Variants in RNF149 observed in about 807,000 individuals in gnomAD.
RNF149 encodes the protein ring finger protein 149.
Under a neutral mutation model 39.0 loss-of-function variants are expected in RNF149, and 21 were observed. The observed-to-expected ratio is 0.54, with a 90% CI of 0.38 to 0.77. The LOEUF (loss-of-function observed/expected upper bound fraction) is 0.77. RNF149 is among the 30% of genes least tolerant of loss of function. The pLI, the probability that RNF149 is intolerant of heterozygous loss-of-function variation, is 0.00. For synonymous variants in RNF149, 209 were observed against 213.6 expected, an observed-to-expected ratio of 0.98 and a Z score of 0.19; for missense variants, 493 against 534.9, an observed-to-expected ratio of 0.92 and a Z score of 0.77.
chr2:101,294,105 C>G lies in RNF149; in HGVS notation c.712-23G>C, dbSNP rs1268479300. Reference sequence around the variant, plus strand: ...GCTCTTGGGTAGGAAAATATTAATACAGTTATTGAAAAATTTAAATTAAAT... The same window carrying G: ...GCTCTTGGGTAGGAAAATATTAATAGAGTTATTGAAAAATTTAAATTAAAT... On this transcript the variant is annotated intron_variant, in intron 2 of 6. Coordinates refer to ENST00000295317, the MANE Select transcript of RNF149 (RefSeq NM_173647.4). 11 of 1,294,404 alleles carry G rather than the reference C, an allele frequency of 8.5e-6. No individual in the cohort carries two copies. In the Admixed American group the frequency reaches 1.8e-4, roughly 22 times the overall value. 80.2% of individuals were successfully genotyped at this position (1,294,404 alleles called of 1,614,324 possible).
downstream of RNF149, among the ~76,000 whole-genome samples, chr2:101,275,122 T>G (rs1423011206): frequency 8.1e-6 from 1 of 123,806 alleles, no homozygotes; most frequent in African/African-American, 3.1e-5. Flanking sequence ...TTTTTTTTTT[T>G]TTTTTTTTTT....
chr2:101,298,532 T>C (rs1683328535), intron 1 of RNF149, among the ~76,000 whole-genome samples: 1 of 152,156 alleles, frequency 6.6e-6, no homozygotes, highest in African/African-American at 2.4e-5. Context: ...AAAAAAGGTA[T>C]ATAAATTACA....
chr2:101,308,092 A>T (rs768686558), intron 1 of RNF149, 37 bp downstream of exon 1: 7 of 1,595,636 alleles, frequency 4.4e-6, no homozygotes, highest in Non-Finnish European at 6.0e-6. Context: ...GGCTGCCGCG[A>T]AGTCCCCCTC....
Position 101,291,370 on chromosome 2 carries a change from C to T in RNF149, c.781-2315G>A, listed in dbSNP as rs13389242. Among the ~76,000 whole-genome samples the T allele has an allele frequency of 9.9e-4, 151 of 151,850 alleles. 1 individual carries two copies. The highest frequency in any genetic ancestry group is 3.2e-3 in the African/African-American group (133 of 41,414). On this transcript the variant is annotated intron_variant, in intron 3 of 6. Coordinates refer to ENST00000295317, the MANE Select transcript of RNF149 (RefSeq NM_173647.4). ...TTCACCATGTTGGCCAAGCTGGTCT[C>T]GAACTCCTGACCTCGTGATCCACCC...
downstream of RNF149, chr2:101,273,476 CTTTTT>C (rs937334137): frequency 3.4e-4 from 118 of 349,242 alleles, no homozygotes; most frequent in East Asian, 5.4e-4. Flanking sequence ...ATATTTGTTT[CTTTTT>C]TTTTTTTTTT....
intron 1 of RNF149, among the ~76,000 whole-genome samples, chr2:101,305,002 G>A (rs185712940): frequency 2.5e-3 from 385 of 151,904 alleles, no homozygotes; most frequent in Non-Finnish European, 4.1e-3. Flanking sequence ...CACCATGCCC[G>A]GCTAATTTTT....
intron 1 of RNF149, among the ~76,000 whole-genome samples, chr2:101,300,867 G>A (rs1683426286): frequency 1.3e-5 from 2 of 152,324 alleles, no homozygotes; most frequent in Admixed American, 1.3e-4. Context: ...GTCAGTATGT[G>A]CACAACTGCA....
chr2:101,308,305 C>G lies in RNF149; in HGVS notation c.284G>C (p.Arg95Pro). Residue 95 changes from arginine to proline, a missense_variant, in exon 1 of 7, where the codon CGC becomes CCC. Transcript: ENST00000295317. ...GDLEGCAPDT[R>P]FFVPEPGGRG... The stretch of plus-strand genomic sequence containing the variant: ...GCCGCCGGGCTCGGGCACGAAGAAG[C>G]GCGTGTCGGGCGCGCAGCCCTCGAG... 1.3e-6 allele frequency: 2 copies of G among 1,582,548 alleles called. No homozygotes were observed. The highest frequency in any genetic ancestry group is 1.7e-6 in the Non-Finnish European group (2 of 1,167,542).
chr2:101,285,347 C>T (rs1001067008), intron 5 of RNF149, among the ~76,000 whole-genome samples: 4 of 152,078 alleles, frequency 2.6e-5, no homozygotes, highest in Non-Finnish European at 5.9e-5. Flanking sequence ...AGTGCTTGGA[C>T]CCTGGAATTA....
At chr2:101,304,835 ATTTTTTTTTTTT>A (rs11340908) in intron 1 of RNF149, among the ~76,000 whole-genome samples, 2 of 89,750 alleles carry the variant, frequency 2.2e-5, no homozygotes, top group African/African-American at 9.0e-5. Context: ...GACTACTAGT[ATTTTTTTTTTTT>A]TTTTTTTTTT....
Position 101,299,288 on chromosome 2 carries a change from T to G in RNF149, c.461-4107A>C, listed in dbSNP as rs72986734. Among the ~76,000 whole-genome samples the G allele has an allele frequency of 6.4e-3, 982 of 152,296 alleles. 10 individuals carry two copies. The highest frequency in any genetic ancestry group is 0.023 in the African/African-American group (946 of 41,560). On this transcript the variant is annotated intron_variant, in intron 1 of 6. Transcript: ENST00000295317. ...AGCAAATCCACTGTGGATCTCAAGCTTTGGGATTCAGTTACTGAAACACCA... is the reference window on the plus strand; with the variant it reads ...AGCAAATCCACTGTGGATCTCAAGCGTTGGGATTCAGTTACTGAAACACCA...
At position 101,286,854 on chromosome 2, in the gene RNF149, T is replaced by C. The variant is rs142887144; in HGVS notation, c.864-677A>G. Among the ~76,000 whole-genome samples, 951 of 152,304 alleles carry C rather than the reference T, an allele frequency of 6.2e-3. 4 individuals carry two copies. Among genetic ancestry groups the C allele is most frequent in the African/African-American group, 0.022 (908 of 41,560 alleles). ...CTCAGATACGAGCTCTGCGACTCAA[T>C]GGCTGGGACTCTGAACTAGGTTCCT... is the stretch of plus-strand genomic sequence containing the variant. On this transcript the variant is annotated intron_variant, in intron 4 of 6. Coordinates refer to ENST00000295317, the MANE Select transcript of RNF149 (RefSeq NM_173647.4).
At chr2:101,305,611 A>C (rs1384545665) in intron 1 of RNF149, among the ~76,000 whole-genome samples, 1 of 152,192 alleles carries the variant, frequency 6.6e-6, no homozygotes, top group Non-Finnish European at 1.5e-5. Flanking sequence ...AGTGGAATTT[A>C]GTGGGTGGAG....
At chr2:101,293,011 T>C (rs1683079702) in intron 3 of RNF149, among the ~76,000 whole-genome samples, 1 of 151,196 alleles carries the variant, frequency 6.6e-6, no homozygotes, top group African/African-American at 2.4e-5. Context: ...GTTCAACACA[T>C]TTGTATGGAA....
downstream of RNF149, chr2:101,273,192 G>A (rs771789862): frequency 3.5e-5 from 42 of 1,185,056 alleles, no homozygotes; most frequent in Non-Finnish European, 4.3e-5. Flanking sequence ...AACCCAGAAC[G>A]CCAGTCCAGA....
At chr2:101,297,420 GA>G (rs1416455184) in intron 1 of RNF149, among the ~76,000 whole-genome samples, 9 of 152,010 alleles carry the variant, frequency 5.9e-5, no homozygotes, top group African/African-American at 2.2e-4. Flanking sequence ...ACAGTGGTGG[GA>G]TCCTAGCTCA....
At chr2:101,295,437 G>A (rs773363130) in intron 1 of RNF149, among the ~76,000 whole-genome samples, 12 of 152,008 alleles carry the variant, frequency 7.9e-5, no homozygotes, top group Non-Finnish European at 1.2e-4. Flanking sequence ...CTAGGCGGGC[G>A]GATCACTAGG....
chr2:101,308,217 C>T lies in RNF149; in HGVS notation c.372G>A (p.Val124=), dbSNP rs202062114. The change falls in exon 1 of 7, where the codon GTG becomes GTA. Residue 124 remains valine, a synonymous_variant. Coordinates refer to ENST00000295317, the MANE Select transcript of RNF149 (RefSeq NM_173647.4). The stretch of plus-strand genomic sequence containing the variant: ...AGGCGTTCCTCCGCGCCGCCACCAG[C>T]ACCTTGTCCTTGAAGGTGCAGCCCC... The part of the protein sequence containing the change: ...ARGGCTFKDK[V]LVAARRNASA... The T allele has an allele frequency of 1.5e-4, 244 of 1,607,598 alleles. No homozygotes were observed. In the East Asian group the frequency reaches 5.4e-3, roughly 35 times the overall value.
chr2:101,283,435 G>A (rs1213459410), intron 5 of RNF149, among the ~76,000 whole-genome samples: 2 of 152,164 alleles, frequency 1.3e-5, no homozygotes, highest in Non-Finnish European at 2.9e-5. Flanking sequence ...CACTGAAATG[G>A]TTACAGCTGT....
Sources: allele counts gnomAD v4.1 joint callset (sites outside exome capture counted in the v4.1 genomes callset), GRCh38; gene constraint gnomAD v4.1.1; transcripts MANE v1.5; gene names NCBI Gene and HGNC (gene_info 2026-07-23, HGNC 2026-07-21).